The following HSPE1 variants were observed in gnomAD, a reference collection of about 807,000 sequenced individuals.
HSPE1 encodes the protein heat shock protein family E (Hsp10) member 1.
A neutral mutation model predicts 13.2 loss-of-function variants in HSPE1; 1 was observed. The ratio of observed to expected loss-of-function variants is 0.08; its 90% CI spans 0.03 to 0.36. The LOEUF is 0.36. Among genes scored for constraint, HSPE1 ranks in the 10% least tolerant of loss-of-function variants. HSPE1 has a pLI of 0.99. For synonymous variants in HSPE1, 44 were observed against 42.0 expected, an observed-to-expected ratio of 1.05 and a Z score of -0.19; for missense variants, 73 against 118.7, an observed-to-expected ratio of 0.62 and a Z score of 1.79.
At chr2:197,500,531 G>A (rs1022050475) in intron 1 of HSPE1, 92 bp downstream of exon 1, 1 of 825,776 alleles carries the variant, frequency 1.2e-6, no homozygotes, top group Non-Finnish European at 2.0e-6. Flanking sequence ...GGCTGGGCGG[G>A]AGGGATTGGT....
chr2:197,501,280 G>T (rs781536932), intron 2 of HSPE1, 42 bp downstream of exon 2: 15 of 1,548,468 alleles, frequency 9.7e-6, no homozygotes, highest in African/African-American at 1.4e-5. Context: ...ATAGTGTGCA[G>T]TGGAGGGAAA....
At chr2:197,501,318 G>C in intron 2 of HSPE1, 80 bp downstream of exon 2, 1 of 1,440,286 alleles carries the variant, frequency 6.9e-7, no homozygotes, top group South Asian at 1.4e-5. Flanking sequence ...ATTAAAAGTC[G>C]CTTATTAAGT....
At position 197,503,069 on chromosome 2, in the gene HSPE1, G is replaced by A; in HGVS notation, c.199G>A (p.Val67Ile). 6.2e-7 allele frequency: 1 copy of A among 1,607,198 alleles called. No homozygotes were observed. The highest frequency in any genetic ancestry group is 1.1e-5 in the South Asian group (1 of 91,012). ...AGAGATTCAACCAGTTAGCGTGAAA[G>A]TTGGAGATAAAGTTCTTCTCCCAGA... ...GGEIQPVSVK[V>I]GDKVLLPEYG... is the part of the protein sequence containing the mutation. Residue 67 changes from valine (V) to isoleucine (I), a missense_variant, in exon 3 of 4, where the codon GTT (valine) becomes ATT (isoleucine). Physicochemically the swap from Val to Ile is conservative, Grantham distance 29. Transcript: ENST00000233893.
At chr2:197,500,984 A>G (rs1000014618) in intron 1 of HSPE1, 90 bp from the exon 2 acceptor site, 1 of 1,476,890 alleles carries the variant, frequency 6.8e-7, no homozygotes, top group Non-Finnish European at 9.2e-7. Flanking sequence ...TTCAAAGCCA[A>G]AACGTGTTGA....
rs1265861205 is a variant in HSPE1 at position 197,503,290 on chromosome 2, G to GA, written c.*32dup. The stretch of plus-strand genomic sequence containing the variant: ...GTCACTATTGAAATGGCATCAACAT[G>GA]ATGCTGCCCATTCCACTGAAGTTCT... On this transcript the variant is annotated 3_prime_UTR_variant, in exon 4 of 4. Transcript: ENST00000233893. 4 of 1,414,822 alleles carry GA rather than the reference G, an allele frequency of 2.8e-6. No individual in the cohort carries two copies. Among genetic ancestry groups the GA allele is most frequent in the Non-Finnish European group, 4.0e-6 (4 of 1,011,252 alleles). 87.6% of individuals were successfully genotyped at this position (1,414,822 alleles called of 1,614,324 possible).
In HSPE1 at chr2:197,503,063, G is replaced by T. The variant is rs758204031; in HGVS notation, c.193G>T (p.Val65Leu). 7 of 1,604,584 alleles carry T rather than the reference G, an allele frequency of 4.4e-6. No homozygotes were observed. In the Admixed American group the frequency reaches 1.2e-4, roughly 27 times the overall value. ...GGGTGGAGAGATTCAACCAGTTAGC[G>T]TGAAAGTTGGAGATAAAGTTCTTCT... ...GKGGEIQPVSVKVGDKVLLPE... is the reference protein window; with the variant it reads ...GKGGEIQPVSLKVGDKVLLPE... Residue 65 changes from valine (V) to leucine (L), a missense_variant, in exon 3 of 4, where the codon GTG becomes TTG. By Grantham distance (32) the Val-to-Leu change is conservative. Transcript: ENST00000233893.
Position 197,500,656 on chromosome 2 carries a change from G to C in HSPE1, c.3+217G>C, listed in dbSNP as rs909283993. 12 of 678,910 alleles carry C rather than the reference G, an allele frequency of 1.8e-5. No homozygotes were observed. In the African/African-American group the frequency reaches 2.2e-4, roughly 12 times the overall value. 42.1% of individuals were successfully genotyped at this position (678,910 alleles called of 1,614,324 possible). A position where few individuals can be genotyped will look rare whatever the true frequency, so the allele number is the denominator to read the frequency against. On this transcript the variant is annotated intron_variant, in intron 1 of 3. Transcript: ENST00000233893. ...TGCTGCCGGTGTGTAAGGCAGGGGG[G>C]CGAGAACCCGGGCGCACGCGCAGCG...
chr2:197,500,703 C>G lies in HSPE1; in HGVS notation c.3+264C>G, dbSNP rs1293018620. ...AGCGTCTCACCTGCTTCTGCAGGGC[C>G]TTTGTGGATGTGTAATATCTTGGGT... On this transcript the variant is annotated intron_variant, in intron 1 of 3. Coordinates refer to ENST00000233893, the MANE Select transcript of HSPE1 (RefSeq NM_002157.3). The G allele has an allele frequency of 5.0e-6, 3 of 605,108 alleles. No homozygotes were observed. In the Admixed American group the frequency reaches 8.9e-5, roughly 18 times the overall value. The allele number at this position is 605,108 out of a possible 1,614,324, so 37.5% of individuals were successfully genotyped here.
At chr2:197,500,943 T>A in intron 1 of HSPE1, 131 bp from the exon 2 acceptor site, 2 of 1,082,610 alleles carry the variant, frequency 1.8e-6, no homozygotes, top group South Asian at 3.3e-5. Context: ...ATGCGCTTCC[T>A]TAACGAATAA....
chr2:197,500,537 T>C, intron 1 of HSPE1, 98 bp downstream of exon 1: 1 of 1,462,408 alleles, frequency 6.8e-7, no homozygotes, highest in Non-Finnish European at 9.4e-7. Flanking sequence ...GCGGGAGGGA[T>C]TGGTGGCCAC....
intron 2 of HSPE1, among the ~76,000 whole-genome samples, chr2:197,501,828 G>GC (rs1279275704): frequency 6.6e-6 from 1 of 151,042 alleles, no homozygotes; most frequent in Non-Finnish European, 1.5e-5. Context: ...ATCAGTGTTT[G>GC]CCTTACATTC....
In HSPE1 at chr2:197,503,204, T is replaced by C. The variant is rs373784782; in HGVS notation, c.259-5T>C. ...GTCTTAACTAATGGTTTTTTTCACT[T>C]GCAGGATTATTTCCTATTTAGAGAT... On this transcript the variant is annotated splice_polypyrimidine_tract_variant and splice_region_variant and intron_variant, in intron 3 of 3. Coordinates refer to ENST00000233893, the MANE Select transcript of HSPE1 (RefSeq NM_002157.3). 6.9e-6 allele frequency: 11 copies of C among 1,600,868 alleles called. No homozygotes were observed. Among genetic ancestry groups the C allele is most frequent in the Non-Finnish European group, 9.4e-6 (11 of 1,168,678 alleles).
At chr2:197,501,964 C>T (rs1446525893) in intron 2 of HSPE1, among the ~76,000 whole-genome samples, 2 of 152,078 alleles carry the variant, frequency 1.3e-5, no homozygotes, top group Non-Finnish European at 2.9e-5. Context: ...CAAAATCAGT[C>T]TGGGCAACAT....
chr2:197,500,991 T>C (rs1007279933), intron 1 of HSPE1, 83 bp from the exon 2 acceptor site: 4 of 1,499,030 alleles, frequency 2.7e-6, no homozygotes, highest in Admixed American at 2.1e-5. Context: ...CCAAAACGTG[T>C]TGAGATGTAT....
At chr2:197,500,554 ACCAGCGC>A in intron 1 of HSPE1, 115 bp downstream of exon 1, 1 of 1,468,882 alleles carries the variant, frequency 6.8e-7, no homozygotes, top group Non-Finnish European at 9.3e-7. Context: ...CCACTCAGTG[ACCAGCGC>A]CCGATGGCAC....
intron 2 of HSPE1, among the ~76,000 whole-genome samples, chr2:197,502,359 G>C (rs1300116977): frequency 6.6e-6 from 1 of 152,184 alleles, no homozygotes; most frequent in East Asian, 1.9e-4. Context: ...CTCTGTTTTA[G>C]ATGTTCCTCA....
Position 197,503,388 on chromosome 2 carries a change from G to T in HSPE1, c.*129G>T. On this transcript the variant is annotated 3_prime_UTR_variant, in exon 4 of 4. Coordinates refer to ENST00000233893, the MANE Select transcript of HSPE1 (RefSeq NM_002157.3). ...AACTAATGATAACTAATGACATCCA[G>T]TGTCTCCAAAATTGTTTCCTTGTAC... The T allele has an allele frequency of 1.6e-6, 1 of 629,458 alleles. No homozygotes were observed. Among genetic ancestry groups the T allele is most frequent in the South Asian group, 2.0e-5 (1 of 49,426 alleles). 39.0% of individuals were successfully genotyped at this position (629,458 alleles called of 1,614,324 possible). A position where few individuals can be genotyped will look rare whatever the true frequency, so the allele number is the denominator to read the frequency against.
At chr2:197,502,255 T>A (rs1039782533) in intron 2 of HSPE1, among the ~76,000 whole-genome samples, 2 of 152,232 alleles carry the variant, frequency 1.3e-5, no homozygotes, top group Non-Finnish European at 2.9e-5. Context: ...CAATTTTTTT[T>A]AAGCTTACCA....
rs779789550 is a variant in HSPE1, at chr2:197,500,426, C to T, written c.-11C>T. On this transcript the variant is annotated 5_prime_UTR_variant, in exon 1 of 4. Transcript: ENST00000233893. ...ACTAGAGCAGAGTACGAGTCTGAGG[C>T]GGAGGGAGTAATGGTGAGTCCCGCG... The T allele has an allele frequency of 6.3e-7, 1 of 1,583,340 alleles. No individual in the cohort carries two copies. Among genetic ancestry groups the T allele is most frequent in the African/African-American group, 1.3e-5 (1 of 74,240 alleles).
Sources: allele counts gnomAD v4.1 joint callset (sites outside exome capture counted in the v4.1 genomes callset), GRCh38; gene constraint gnomAD v4.1.1; transcripts MANE v1.5; gene names NCBI Gene and HGNC (gene_info 2026-07-23, HGNC 2026-07-21).